The following ROBO1 variants were observed in gnomAD, a reference collection of about 807,000 sequenced individuals.
ROBO1 encodes roundabout homolog 1.
In ROBO1, 149 loss-of-function variants were observed where a neutral mutation model predicts 195.9. The observed-to-expected ratio is 0.76, with a 90% CI of 0.67 to 0.87. The LOEUF (loss-of-function observed/expected upper bound fraction) is 0.87. Among genes scored for constraint, ROBO1 ranks in the 40% least tolerant of loss-of-function variants. The pLI is 0.00. For synonymous variants in ROBO1, 816 were observed against 733.2 expected (o/e 1.11, Z -1.82); for missense variants, 1,933 against 2,068.3 (o/e 0.93, Z 1.27).
chr3:79,734,154 G>T (rs191846268), intron 1 of ROBO1, among the ~76,000 whole-genome samples: 1 of 152,054 alleles, frequency 6.6e-6, no homozygotes, highest in Non-Finnish European at 1.5e-5. Flanking sequence ...CACCATGTTG[G>T]TCAGGCTGGT....
intron 4 of ROBO1, among the ~76,000 whole-genome samples, chr3:78,920,461 C>T (rs1344531873): frequency 1.3e-5 from 2 of 151,740 alleles, no homozygotes; most frequent in Non-Finnish European, 2.9e-5. Flanking sequence ...GGTGCCACCA[C>T]GCACGGCTAA....
chr3:78,929,446 C>T (rs1277760552), intron 4 of ROBO1, among the ~76,000 whole-genome samples: 2 of 152,032 alleles, frequency 1.3e-5, no homozygotes, highest in African/African-American at 4.8e-5. Flanking sequence ...AATTCAGGCA[C>T]TGTCAACACA....
At chr3:78,755,126 T>A (rs2082895599) in intron 4 of ROBO1, among the ~76,000 whole-genome samples, 2 of 152,160 alleles carry the variant, frequency 1.3e-5, no homozygotes, top group African/African-American at 4.8e-5. Flanking sequence ...ATTCTCATAC[T>A]TCAGTGTTCA....
intron 2 of ROBO1, among the ~76,000 whole-genome samples, chr3:79,303,967 T>C (rs1372990076): frequency 2.0e-5 from 3 of 152,202 alleles, no homozygotes; most frequent in Admixed American, 6.5e-5. Flanking sequence ...AATGTTCTCA[T>C]GAAAAGCACA....
chr3:79,217,724 G>A (rs988508378), intron 2 of ROBO1, among the ~76,000 whole-genome samples: 1 of 151,780 alleles, frequency 6.6e-6, no homozygotes, highest in African/African-American at 2.4e-5. Context: ...GATGGATGAG[G>A]GAGGGTATCT....
At chr3:78,620,696 T>A (rs922915705) in intron 26 of ROBO1, among the ~76,000 whole-genome samples, 2 of 152,188 alleles carry the variant, frequency 1.3e-5, no homozygotes, top group African/African-American at 4.8e-5. Flanking sequence ...TTTAATTCAA[T>A]AACTTTTTGA....
intron 4 of ROBO1, among the ~76,000 whole-genome samples, chr3:78,842,603 T>TA (rs34333083): frequency 0.97 from 119,881 of 124,216 alleles, 58,051 homozygotes; most frequent in East Asian, 1. Context: ...CATATATATA[T>TA]TTTTATATAT....
intron 2 of ROBO1, among the ~76,000 whole-genome samples, chr3:79,488,966 C>T (rs1200143007): frequency 6.6e-6 from 1 of 152,002 alleles, no homozygotes; most frequent in East Asian, 1.9e-4. Context: ...ACTGATTCTC[C>T]CCTCTCCTCC....
At position 78,616,247 on chromosome 3, in the gene ROBO1, A is replaced by G. The variant is rs545007737; in HGVS notation, c.4282+1388T>C. ...GTGGTTTGAGATACTTAATTTCACC[A>G]TTTTTTACAGAAGGTTAAAAAATAA... On this transcript the variant is annotated intron_variant, in intron 27 of 30. Coordinates refer to ENST00000464233, the MANE Select transcript of ROBO1 (RefSeq NM_002941.4). Among the ~76,000 whole-genome samples, 4 of 152,264 alleles carry G rather than the reference A, an allele frequency of 2.6e-5. No individual in the cohort carries two copies. In the East Asian group the frequency reaches 5.8e-4, roughly 22 times the overall value.
At chr3:79,185,098 T>TG (rs1391166819) in intron 2 of ROBO1, among the ~76,000 whole-genome samples, 1 of 152,166 alleles carries the variant, frequency 6.6e-6, no homozygotes, top group African/African-American at 2.4e-5. Flanking sequence ...AGAATCACAG[T>TG]GTCTATCAGA....
At chr3:79,492,445 A>AAG (rs200203611) in intron 2 of ROBO1, among the ~76,000 whole-genome samples, 4 of 150,260 alleles carry the variant, frequency 2.7e-5, no homozygotes, top group African/African-American at 9.9e-5. Flanking sequence ...AAAAAAAAAA[A>AAG]AGAGACTGTA....
At chr3:78,858,829 G>C (rs1017873838) in intron 4 of ROBO1, among the ~76,000 whole-genome samples, 2 of 149,392 alleles carry the variant, frequency 1.3e-5, no homozygotes, top group Non-Finnish European at 3.0e-5. Flanking sequence ...CCTGAAATGA[G>C]AGTAGGTGAG....
intron 2 of ROBO1, among the ~76,000 whole-genome samples, chr3:79,225,173 A>G (rs1290780258): frequency 6.6e-6 from 1 of 150,976 alleles, no homozygotes; most frequent in Non-Finnish European, 1.5e-5. Flanking sequence ...TTTGGGGGGG[A>G]AATAATAATA....
At chr3:79,044,635 T>C (rs1000805677) in intron 3 of ROBO1, among the ~76,000 whole-genome samples, 1 of 152,100 alleles carries the variant, frequency 6.6e-6, no homozygotes, top group African/African-American at 2.4e-5. Flanking sequence ...TCAGTATCTA[T>C]CTATGGGAGT....
intron 2 of ROBO1, among the ~76,000 whole-genome samples, chr3:79,226,717 T>C (rs1035817172): frequency 6.6e-6 from 1 of 151,834 alleles, no homozygotes; most frequent in African/African-American, 2.4e-5. Flanking sequence ...CCCAGCTAAC[T>C]TTTTTGTTTT....
intron 3 of ROBO1, among the ~76,000 whole-genome samples, chr3:79,053,306 C>T (rs539469051): frequency 3.9e-5 from 6 of 152,012 alleles, no homozygotes; most frequent in East Asian, 1.9e-4. Context: ...CCCCACCTAA[C>T]GATTCTGAGA....
chr3:79,682,365 C>A (rs1222492255), intron 1 of ROBO1, among the ~76,000 whole-genome samples: 1 of 150,902 alleles, frequency 6.6e-6, no homozygotes, highest in South Asian at 2.1e-4. Flanking sequence ...TCCAAAAAAG[C>A]AAAGGAATTT....
intron 4 of ROBO1, among the ~76,000 whole-genome samples, chr3:78,749,035 A>ATAT (rs1289534987): frequency 6.6e-6 from 1 of 152,186 alleles, no homozygotes; most frequent in East Asian, 1.9e-4. Flanking sequence ...TTATAAACTT[A>ATAT]TATTATTATT....
chr3:78,867,482 C>T (rs891296043), intron 4 of ROBO1, among the ~76,000 whole-genome samples: 1 of 152,108 alleles, frequency 6.6e-6, no homozygotes, highest in African/African-American at 2.4e-5. Context: ...CAGTAAGACA[C>T]ATCTGGAAAT....
Sources: allele counts gnomAD v4.1 joint callset (sites outside exome capture counted in the v4.1 genomes callset), GRCh38; gene constraint gnomAD v4.1.1; transcripts MANE v1.5; gene names NCBI Gene and HGNC (gene_info 2026-07-23, HGNC 2026-07-21).